PRKN: variants seen among roughly 807,000 people sequenced by gnomAD.
PRKN encodes the protein E3 ubiquitin-protein ligase parkin.
In PRKN, 56 loss-of-function variants were observed where a neutral mutation model predicts 59.5. That is an observed-to-expected ratio of 0.94 (90% CI 0.76 to 1.18). The LOEUF (loss-of-function observed/expected upper bound fraction) is 1.18. Among genes scored for constraint, PRKN ranks in the 50% most tolerant of loss-of-function variants. The probability of loss-of-function intolerance (pLI) is 0.00; values close to 1 mark genes in which losing one functional copy is unlikely to be tolerated. For missense variants in PRKN, 657 were observed against 596.4 expected, an observed-to-expected ratio of 1.10 and a Z score of -1.06; for synonymous variants, 250 against 222.1, an observed-to-expected ratio of 1.13 and a Z score of -1.12.
At chr6:161,452,194 T>TCCA (rs34005830) in intron 9 of PRKN, among the ~76,000 whole-genome samples, 23,713 of 152,024 alleles carry the variant, frequency 0.16, 2,540 homozygotes, top group African/African-American at 0.3. Flanking sequence ...TCTCAAGTGA[T>TCCA]CCCACCTCGG....
intron 2 of PRKN, among the ~76,000 whole-genome samples, chr6:162,314,090 A>T (rs943839779): frequency 6.6e-6 from 1 of 152,158 alleles, no homozygotes; most frequent in African/African-American, 2.4e-5. Flanking sequence ...GTTTCCATGT[A>T]GCGCTTGCTC....
In PRKN at chr6:162,563,163, A is replaced by G. The variant is rs539887200; in HGVS notation, c.8-119690T>C. Among the ~76,000 whole-genome samples, 62 of 152,102 alleles carry G rather than the reference A, an allele frequency of 4.1e-4. 2 individuals are homozygous for G. In the South Asian group the frequency reaches 0.012, roughly 31 times the overall value. On this transcript the variant is annotated intron_variant, in intron 1 of 11. Transcript: ENST00000366898. ...TAAGGAATACAAAAAAATTAGCCAG[A>G]CGTAGTGGTGGGCGCCTGTAGTCCC...
chr6:161,508,665 G>A (rs1043931037), intron 9 of PRKN, among the ~76,000 whole-genome samples: 8 of 152,036 alleles, frequency 5.3e-5, no homozygotes, highest in South Asian at 2.1e-4. Flanking sequence ...TCCTCAAGCC[G>A]ATCCTCACAG....
chr6:161,985,492 G>A (rs1199892243), intron 5 of PRKN, among the ~76,000 whole-genome samples: 2 of 152,118 alleles, frequency 1.3e-5, no homozygotes, highest in African/African-American at 2.4e-5. Flanking sequence ...AATTATTTAC[G>A]AGAAACTGAG....
At position 161,499,693 on chromosome 6, in the gene PRKN, C is replaced by T. The variant is rs894552200; in HGVS notation, c.1083+49161G>A. Among the ~76,000 whole-genome samples the T allele has an allele frequency of 1.4e-4, 21 of 152,176 alleles. No individual in the cohort carries two copies. The highest frequency in any genetic ancestry group is 4.8e-4 in the African/African-American group (20 of 41,436). On this transcript the variant is annotated intron_variant, in intron 9 of 11. Coordinates refer to ENST00000366898, the MANE Select transcript of PRKN (RefSeq NM_004562.3). The surrounding 1 kb of genome is among the most constrained non-coding windows in gnomAD (Gnocchi z 4.2). ...GGTTTCTGCATTTTCCATAAGTAAC[C>T]CTTTCCCTTGACAATTCTTAGGCAC...
intron 1 of PRKN, among the ~76,000 whole-genome samples, chr6:162,532,289 A>G (rs569062630): frequency 6.6e-6 from 1 of 152,308 alleles, no homozygotes; most frequent in South Asian, 2.1e-4. Flanking sequence ...TGCACTTATG[A>G]TATATGCACG....
chr6:161,421,784 T>C (rs1004036226), intron 9 of PRKN, among the ~76,000 whole-genome samples: 5 of 152,232 alleles, frequency 3.3e-5, no homozygotes, highest in Non-Finnish European at 1.5e-5. Context: ...TTAAAAAGTA[T>C]TTTTTAAAAA....
intron 5 of PRKN, among the ~76,000 whole-genome samples, chr6:162,021,143 TATATATATATATATATATATATAA>T (rs1338547009): frequency 3.7e-4 from 4 of 10,788 alleles, no homozygotes; most frequent in East Asian, 4.1e-3. Context: ...TATATATATA[TATATATATATATATATATATATAA>T]AATATATGTG....
rs548296751 is a variant in PRKN at position 161,454,025 on chromosome 6, C to A, written c.1084-67148G>T. Among the ~76,000 whole-genome samples, 41 of 152,060 alleles carry A rather than the reference C, an allele frequency of 2.7e-4. No individual in the cohort carries two copies. In the South Asian group the frequency reaches 7.9e-3, roughly 29 times the overall value. The stretch of plus-strand genomic sequence containing the variant: ...AAGTGTTTTCTTGGTGTCTGCAATG[C>A]AAATTCTGATGTCAGTAAATACATT... On this transcript the variant is annotated intron_variant, in intron 9 of 11. Coordinates refer to ENST00000366898, the MANE Select transcript of PRKN (RefSeq NM_004562.3). This position sits in a 1 kb window ranked among gnomAD's most constrained non-coding sequence, Gnocchi z 4.6.
intron 9 of PRKN, among the ~76,000 whole-genome samples, chr6:161,485,248 G>C (rs9355902): frequency 0.41 from 61,929 of 152,086 alleles, 15,382 homozygotes; most frequent in Middle Eastern, 0.57. Flanking sequence ...AGAGTAGGCA[G>C]AGAGTGCCTT....
intron 1 of PRKN, among the ~76,000 whole-genome samples, chr6:162,458,199 T>C (rs1790984085): frequency 7.7e-6 from 1 of 129,830 alleles, no homozygotes; most frequent in Non-Finnish European, 1.7e-5. Context: ...GAGGTTGCAG[T>C]GAGCCAAGAT....
In PRKN at chr6:162,727,645, G is replaced by A. The variant is rs1348034970; in HGVS notation, c.7+17C>T. ...GGGGCGGCGCAGAGAGGCTGTACCTGGCAGGTACCCACGTACCTATCATGG... is the reference window on the plus strand; with the variant it reads ...GGGGCGGCGCAGAGAGGCTGTACCTAGCAGGTACCCACGTACCTATCATGG... On this transcript the variant is annotated intron_variant, in intron 1 of 11. Transcript: ENST00000366898. 3 of 1,585,212 alleles carry A rather than the reference G, an allele frequency of 1.9e-6. No homozygotes were observed. Among genetic ancestry groups the A allele is most frequent in the Admixed American group, 3.5e-5 (2 of 56,464 alleles).
intron 5 of PRKN, among the ~76,000 whole-genome samples, chr6:162,045,229 A>C (rs2128283057): frequency 6.6e-6 from 1 of 152,324 alleles, no homozygotes; most frequent in Admixed American, 6.5e-5. Context: ...ATGTGTTATA[A>C]AAGTTATCTA....
intron 7 of PRKN, among the ~76,000 whole-genome samples, chr6:161,745,962 G>C (rs960118765): frequency 1.3e-5 from 2 of 152,236 alleles, no homozygotes; most frequent in African/African-American, 4.8e-5. Context: ...ACAGCTCTCT[G>C]TGGGGGCCTG....
chr6:162,353,999 A>G (rs1445228101), intron 2 of PRKN, among the ~76,000 whole-genome samples: 3 of 152,156 alleles, frequency 2.0e-5, no homozygotes, highest in Non-Finnish European at 2.9e-5. Context: ...TTTTATCGTT[A>G]TAAGTTCCAC....
At chr6:161,704,156 G>A (rs1022181236) in intron 7 of PRKN, among the ~76,000 whole-genome samples, 4 of 151,974 alleles carry the variant, frequency 2.6e-5, no homozygotes, top group African/African-American at 9.7e-5. Flanking sequence ...ACGCCCGGCC[G>A]AGGACATGCA....
In PRKN at chr6:161,350,185, G is replaced by A. The variant is rs1370041903; in HGVS notation, c.1312C>T (p.Gln438Ter). The change falls in exon 12 of 12, where the codon CAG becomes TAG. Residue 438 changes from glutamine (Q) to a stop codon, truncating the protein, a stop_gained. Transcript: ENST00000366898. LOFTEE classifies it low-confidence loss of function (END_TRUNC). ...CACCACTCGAGCCTGCACTGGGGCT[G>A]CGGACACTTCATGTGCATGCAGCCT... ...NGGCMHMKCP[Q>*]PQCRLEWCWN... 1 of 1,613,580 alleles carries A rather than the reference G, an allele frequency of 6.2e-7. No homozygotes were observed.
chr6:161,851,678 G>T (rs763113495), intron 6 of PRKN, among the ~76,000 whole-genome samples: 1 of 151,582 alleles, frequency 6.6e-6, no homozygotes, highest in Non-Finnish European at 1.5e-5. Context: ...TAGAGACAGG[G>T]TTTCACCCTG....
intron 1 of PRKN, among the ~76,000 whole-genome samples, chr6:162,715,973 G>A (rs1237252569): frequency 1.3e-5 from 2 of 152,176 alleles, no homozygotes; most frequent in Non-Finnish European, 2.9e-5. Flanking sequence ...ACACAATGAA[G>A]CGTACCTCCA....
Sources: gnomAD v4.1 joint callset for allele counts (sites outside exome capture counted in the v4.1 genomes callset) on GRCh38, gnomAD v4.1.1 for gene constraint, Gnocchi (gnomAD v3.1) non-coding constraint, MANE v1.5 for transcripts, NCBI Gene and HGNC (gene_info 2026-07-23, HGNC 2026-07-21) for gene names.